DPP6: variants seen among roughly 807,000 people sequenced by gnomAD.
The protein encoded by DPP6 is A-type potassium channel modulatory protein DPP6.
A neutral mutation model predicts 122.6 loss-of-function variants in DPP6; 69 were observed. The ratio of observed to expected loss-of-function variants is 0.56; its 90% CI spans 0.46 to 0.69. The LOEUF is 0.69. Among genes scored for constraint, DPP6 ranks in the 30% least tolerant of loss-of-function variants. DPP6 has a pLI of 0.00. For synonymous variants in DPP6, 418 were observed against 433.1 expected (o/e 0.97, Z 0.43); for missense variants, 928 against 1,116.9 (o/e 0.83, Z 2.41).
chr7:154,015,396 A>G (rs1382229657), intron 1 of DPP6, among the ~76,000 whole-genome samples: 1 of 152,100 alleles, frequency 6.6e-6, no homozygotes, highest in Non-Finnish European at 1.5e-5. Flanking sequence ...TACTGGCCAT[A>G]TGATGAGGAT....
chr7:154,305,487 G>T (rs780683888), intron 1 of DPP6: 1 of 1,599,546 alleles, frequency 6.3e-7, no homozygotes, highest in South Asian at 1.1e-5. Context: ...GAAGCGCCTG[G>T]ACAGACCATG....
intron 3 of DPP6, among the ~76,000 whole-genome samples, chr7:154,479,708 G>T (rs1373279666): frequency 6.6e-6 from 1 of 151,920 alleles, no homozygotes; most frequent in Non-Finnish European, 1.5e-5. Context: ...TATAACAACC[G>T]CATTGCACTT....
At chr7:154,402,940 A>C (rs968993232) in intron 1 of DPP6, among the ~76,000 whole-genome samples, 92 of 152,230 alleles carry the variant, frequency 6.0e-4, no homozygotes, top group African/African-American at 2.0e-3. Context: ...AGAAACTTTA[A>C]AAGCACATAC....
chr7:154,616,995 C>G (rs1834303603), intron 5 of DPP6, among the ~76,000 whole-genome samples: 1 of 152,216 alleles, frequency 6.6e-6, no homozygotes, highest in South Asian at 2.1e-4. Flanking sequence ...ATGTCAGATG[C>G]CATCAGCAGT....
At chr7:154,666,147 ATAAT>A (rs1838135938) in intron 6 of DPP6, among the ~76,000 whole-genome samples, 1 of 150,436 alleles carries the variant, frequency 6.6e-6, no homozygotes, top group South Asian at 2.1e-4. Flanking sequence ...TCTATGATAT[ATAAT>A]TATATCATAC....
chr7:153,786,477 C>A, the DPP6 span, among the ~76,000 whole-genome samples: 2 of 151,464 alleles, frequency 1.3e-5, no homozygotes, highest in African/African-American at 4.8e-5. Flanking sequence ...CAGTGGCTCA[C>A]GCCTGTAATC....
In DPP6 at chr7:154,403,400, G is replaced by A. The variant is rs1223558846; in HGVS notation, c.244-42814G>A. ...GGTGAGGACTGGAGTTGCGGTAGAT[G>A]CCTCCTGGGTGTTGAAGAGTCCGAA... On this transcript the variant is annotated intron_variant, in intron 1 of 25. Coordinates refer to ENST00000377770, the MANE Select transcript of DPP6 (RefSeq NM_130797.4). This position sits in a 1 kb window ranked among gnomAD's most constrained non-coding sequence, Gnocchi z 4.1. Among the ~76,000 whole-genome samples the A allele has an allele frequency of 1.3e-5, 2 of 152,212 alleles. No homozygotes were observed. Among genetic ancestry groups the A allele is most frequent in the African/African-American group, 4.8e-5 (2 of 41,448 alleles).
chr7:154,059,312 C>T (rs767549112), intron 1 of DPP6: 3,461 of 105,732 alleles, frequency 0.033, 6 homozygotes, highest in African/African-American at 0.046. Flanking sequence ...GAGAGCCAGA[C>T]CCTCTTCCCC....
At chr7:154,250,764 GA>G (rs1174003048) in intron 1 of DPP6, among the ~76,000 whole-genome samples, 1 of 152,132 alleles carries the variant, frequency 6.6e-6, no homozygotes, top group Non-Finnish European at 1.5e-5. Context: ...AGAGAAGTGA[GA>G]AAAGAGGCTA....
intron 1 of DPP6, among the ~76,000 whole-genome samples, chr7:154,250,332 C>T (rs970670931): frequency 2.0e-5 from 3 of 152,022 alleles, no homozygotes; most frequent in Non-Finnish European, 2.9e-5. Context: ...TTTTTCATGC[C>T]ATCTCCTCTA....
chr7:154,665,661 G>A (rs1052417837), intron 6 of DPP6, among the ~76,000 whole-genome samples: 1 of 151,750 alleles, frequency 6.6e-6, no homozygotes, highest in Admixed American at 6.6e-5. Flanking sequence ...TTGCTACTGG[G>A]GTGTCATTGT....
chr7:154,721,030 C>T (rs1435547798), intron 7 of DPP6, among the ~76,000 whole-genome samples: 1 of 152,214 alleles, frequency 6.6e-6, no homozygotes, highest in Non-Finnish European at 1.5e-5. Flanking sequence ...CCACCTGGTT[C>T]TTCTGTATGG....
intron 6 of DPP6, among the ~76,000 whole-genome samples, chr7:154,649,515 C>G (rs992008685): frequency 1.3e-5 from 2 of 152,206 alleles, no homozygotes; most frequent in Non-Finnish European, 2.9e-5. Context: ...CTCACTACCC[C>G]AGGACTGACT....
At chr7:154,491,918 T>C (rs1824311980) in intron 3 of DPP6, among the ~76,000 whole-genome samples, 1 of 152,178 alleles carries the variant, frequency 6.6e-6, no homozygotes, top group Non-Finnish European at 1.5e-5. Flanking sequence ...TTAATCTCTT[T>C]AAGTGATTTC....
At chr7:154,322,929 A>C (rs926846193) in intron 1 of DPP6, among the ~76,000 whole-genome samples, 2 of 152,168 alleles carry the variant, frequency 1.3e-5, no homozygotes, top group African/African-American at 4.8e-5. Context: ...CAAATCAGGT[A>C]ATGTGTGTGA....
At chr7:154,062,816 G>C (rs1802200129) in intron 1 of DPP6, among the ~76,000 whole-genome samples, 1 of 125,350 alleles carries the variant, frequency 8.0e-6, no homozygotes, top group South Asian at 3.1e-4. Flanking sequence ...GCAGAGGGGG[G>C]AGGCACCCCC....
rs1802393900 is a variant in DPP6, at chr7:154,063,523, G to GT, written c.243+10460_243+10461insT. Among the ~76,000 whole-genome samples, 2 of 123,372 alleles carry GT rather than the reference G, an allele frequency of 1.6e-5. 1 individual carries two copies. Among genetic ancestry groups the GT allele is most frequent in the Non-Finnish European group, 3.6e-5 (2 of 55,258 alleles). 80.9% of individuals were successfully genotyped at this position (123,372 alleles called of 152,430 possible). A position where few individuals can be genotyped will look rare whatever the true frequency, so the allele number is the denominator to read the frequency against. On this transcript the variant is annotated intron_variant, in intron 1 of 25. Transcript: ENST00000377770. ...GCTCTTAAGACCCCCATCGCAGGAG[G>GT]GGGAGGCACCCCCCGCGAGGGTGGG...
the DPP6 span, among the ~76,000 whole-genome samples, chr7:153,769,615 T>C: frequency 6.6e-6 from 1 of 152,204 alleles, no homozygotes; most frequent in African/African-American, 2.4e-5. Flanking sequence ...TTGGGAATCA[T>C]CAACTGACAA....
the DPP6 span, among the ~76,000 whole-genome samples, chr7:153,763,246 A>G: frequency 6.6e-6 from 1 of 152,228 alleles, no homozygotes; most frequent in African/African-American, 2.4e-5. Flanking sequence ...AAGAAAAACC[A>G]TTAATTCCTA....
Sources: allele counts gnomAD v4.1 joint callset (sites outside exome capture counted in the v4.1 genomes callset), GRCh38; gene constraint gnomAD v4.1.1; non-coding constraint Gnocchi (gnomAD v3.1); transcripts MANE v1.5; gene names NCBI Gene and HGNC (gene_info 2026-07-23, HGNC 2026-07-21).